Variants in STK32B observed in about 807,000 individuals in gnomAD.
STK32B encodes serine/threonine kinase 32B.
Under a neutral mutation model 52.6 loss-of-function variants are expected in STK32B, and 43 were observed. The ratio of observed to expected loss-of-function variants is 0.82; its 90% confidence interval spans 0.64 to 1.05. The LOEUF (loss-of-function observed/expected upper bound fraction) is 1.05, where lower values mean the gene tolerates loss of function less well. Ranked by LOEUF, STK32B falls within the 50% of genes least tolerant of loss-of-function variation. The pLI, the probability that STK32B is intolerant of heterozygous loss-of-function variation, is 0.00. For missense variants in STK32B, 621 were observed against 534.6 expected, an observed-to-expected ratio of 1.16 and a Z score of -1.59; for synonymous variants, 238 against 204.3, an observed-to-expected ratio of 1.17 and a Z score of -1.41.
At chr4:5,126,386 C>T (rs1028857451) in intron 1 of STK32B, among the ~76,000 whole-genome samples, 2 of 152,304 alleles carry the variant, frequency 1.3e-5, no homozygotes, top group African/African-American at 4.8e-5. Context: ...CCCCCACTGC[C>T]CTGCAGGCCA....
chr4:5,404,723 A>G (rs930710192), intron 5 of STK32B, among the ~76,000 whole-genome samples: 3 of 151,800 alleles, frequency 2.0e-5, no homozygotes, highest in African/African-American at 4.8e-5. Flanking sequence ...TTGGGAGCAT[A>G]ATGACCTCAT....
At chr4:5,235,014 T>C (rs901081988) in intron 3 of STK32B, among the ~76,000 whole-genome samples, 2 of 152,230 alleles carry the variant, frequency 1.3e-5, no homozygotes, top group African/African-American at 4.8e-5. Flanking sequence ...TTTTTACATA[T>C]GACAGTTGAG....
At chr4:5,192,442 G>A (rs528750706) in intron 3 of STK32B, among the ~76,000 whole-genome samples, 26 of 152,258 alleles carry the variant, frequency 1.7e-4, no homozygotes, top group African/African-American at 5.1e-4. Flanking sequence ...GCCCCAGGCT[G>A]TTCTGAGTTC....
intron 7 of STK32B, among the ~76,000 whole-genome samples, chr4:5,455,735 G>T (rs184852149): frequency 1.3e-5 from 2 of 152,146 alleles, no homozygotes; most frequent in African/African-American, 2.4e-5. Flanking sequence ...GACCCTGCTC[G>T]ATGACAGACA....
intron 4 of STK32B, among the ~76,000 whole-genome samples, chr4:5,334,749 C>T (rs1296510490): frequency 2.6e-5 from 4 of 151,414 alleles, no homozygotes; most frequent in Non-Finnish European, 4.4e-5. Context: ...TGGTTTTTGT[C>T]TTTGGTTCTG....
At chr4:5,022,050 G>C in the STK32B span, among the ~76,000 whole-genome samples, 1 of 152,090 alleles carries the variant, frequency 6.6e-6, no homozygotes, top group African/African-American at 2.4e-5. Context: ...AGCCTGTGCC[G>C]AGCCCAACAC....
intron 3 of STK32B, among the ~76,000 whole-genome samples, chr4:5,328,715 G>A (rs951881980): frequency 4.6e-5 from 7 of 152,212 alleles, no homozygotes; most frequent in Admixed American, 2.6e-4. Flanking sequence ...TACAAACTGA[G>A]CACATGCTAT....
chr4:5,121,350 T>TG (rs1442546618), intron 1 of STK32B, among the ~76,000 whole-genome samples: 3 of 152,186 alleles, frequency 2.0e-5, no homozygotes, highest in African/African-American at 2.4e-5. Context: ...TCCATTTCCT[T>TG]GCAATGGCAA....
rs980884352 is a variant in STK32B at position 5,058,100 on chromosome 4, C to A, written c.52+6185C>A. On this transcript the variant is annotated intron_variant, in intron 1 of 11. Transcript: ENST00000282908. The surrounding 1 kb of genome is among the most constrained non-coding windows in gnomAD (Gnocchi z 4.8). ...GATTTTTGTGACCTCCTTGGAGTACCCTTATGCATTGAAGATTTTGGCCTC... is the reference window on the plus strand; with the variant it reads ...GATTTTTGTGACCTCCTTGGAGTACACTTATGCATTGAAGATTTTGGCCTC... 9.2e-5 allele frequency among the ~76,000 whole-genome samples: 14 copies of A among 152,106 alleles called. No individual in the cohort carries two copies.
chr4:5,439,609 T>G (rs554197085), intron 6 of STK32B, among the ~76,000 whole-genome samples: 2,934 of 150,154 alleles, frequency 0.02, 95 homozygotes, highest in African/African-American at 0.068. Flanking sequence ...TTAGTTTAAT[T>G]AGATCCCATT....
At chr4:5,148,339 T>G (rs1717083647) in intron 2 of STK32B, among the ~76,000 whole-genome samples, 1 of 151,824 alleles carries the variant, frequency 6.6e-6, no homozygotes, top group Non-Finnish European at 1.5e-5. Context: ...CCTTAGGTCA[T>G]TGATTTTAGA....
intron 6 of STK32B, among the ~76,000 whole-genome samples, chr4:5,439,324 G>C (rs1262908718): frequency 6.6e-6 from 1 of 151,402 alleles, no homozygotes; most frequent in African/African-American, 2.4e-5. Flanking sequence ...ATTTCATTGT[G>C]GTTTGGATTT....
chr4:5,163,239 G>T (rs1718582985), intron 2 of STK32B, among the ~76,000 whole-genome samples: 1 of 152,186 alleles, frequency 6.6e-6, no homozygotes, highest in Non-Finnish European at 1.5e-5. Context: ...ACTTTCACAT[G>T]TGTGAGCCCC....
At chr4:5,213,616 G>A (rs1296403467) in intron 3 of STK32B, among the ~76,000 whole-genome samples, 4 of 152,210 alleles carry the variant, frequency 2.6e-5, no homozygotes, top group Admixed American at 2.6e-4. Flanking sequence ...TATGCACCTT[G>A]ATTAAACTTT....
At chr4:5,425,791 T>C (rs1294742084) in intron 6 of STK32B, among the ~76,000 whole-genome samples, 2 of 152,182 alleles carry the variant, frequency 1.3e-5, no homozygotes, top group African/African-American at 4.8e-5. Flanking sequence ...CAAAAGTTCC[T>C]CATTCCCAGT....
chr4:5,497,055 T>G (rs749369), intron 11 of STK32B, among the ~76,000 whole-genome samples: 15,754 of 151,798 alleles, frequency 0.1, 1,587 homozygotes, highest in African/African-American at 0.26. Context: ...TTTCAACAAT[T>G]TTTTTTTAGC....
intron 1 of STK32B, among the ~76,000 whole-genome samples, chr4:5,064,188 G>T (rs1455963946): frequency 6.7e-6 from 1 of 149,094 alleles, no homozygotes; most frequent in African/African-American, 2.5e-5. Flanking sequence ...TGGTTTCCTT[G>T]TGGTTTATAT....
chr4:5,155,883 A>G (rs539549133), intron 2 of STK32B, among the ~76,000 whole-genome samples: 1 of 152,256 alleles, frequency 6.6e-6, no homozygotes, highest in East Asian at 1.9e-4. Flanking sequence ...GTGAGAACAG[A>G]CTAATATACC....
chr4:5,332,255 G>A (rs1732306331), intron 4 of STK32B, among the ~76,000 whole-genome samples: 1 of 152,140 alleles, frequency 6.6e-6, no homozygotes, highest in South Asian at 2.1e-4. Context: ...CACTGAAAGG[G>A]GACTACAGTC....
Sources: allele counts gnomAD v4.1 joint callset (sites outside exome capture counted in the v4.1 genomes callset), GRCh38; gene constraint gnomAD v4.1.1; non-coding constraint Gnocchi (gnomAD v3.1); transcripts MANE v1.5; gene names NCBI Gene and HGNC (gene_info 2026-07-23, HGNC 2026-07-21).